Variants in EFL1 observed in about 807,000 individuals in gnomAD.
The protein encoded by EFL1 is elongation factor like GTPase 1, also known as elongation factor-like GTPase 1.
Under a neutral mutation model 126.7 loss-of-function variants are expected in EFL1, and 76 were observed. The ratio of observed to expected loss-of-function variants is 0.60; its 90% confidence interval spans 0.50 to 0.73. EFL1 has a LOEUF of 0.73. EFL1 is among the 30% of genes least tolerant of loss of function. The pLI, the probability that EFL1 is intolerant of heterozygous loss-of-function variation, is 0.00. For synonymous variants in EFL1, 410 were observed against 448.4 expected (o/e 0.91, Z 1.08); for missense variants, 1,128 against 1,343.2 (o/e 0.84, Z 2.50).
intron 15 of EFL1, among the ~76,000 whole-genome samples, chr15:82,171,336 A>C (rs1301500867): frequency 2.0e-5 from 3 of 152,174 alleles, no homozygotes; most frequent in Non-Finnish European, 4.4e-5. Flanking sequence ...GATAAAAATA[A>C]ATAGGCAGTG....
chr15:82,202,614 G>A (rs1471809835), intron 15 of EFL1, among the ~76,000 whole-genome samples: 1 of 152,148 alleles, frequency 6.6e-6, no homozygotes, highest in Non-Finnish European at 1.5e-5. Context: ...GCAGAAGAGA[G>A]GATCAGAGAG....
intron 15 of EFL1, among the ~76,000 whole-genome samples, chr15:82,168,261 C>T (rs545860462): frequency 8.5e-5 from 13 of 152,286 alleles, no homozygotes; most frequent in South Asian, 4.1e-4. Flanking sequence ...GGAATCCACA[C>T]GCTTTATAAC....
At chr15:82,203,853 A>AG (rs2074497396) in intron 15 of EFL1, among the ~76,000 whole-genome samples, 1 of 152,242 alleles carries the variant, frequency 6.6e-6, no homozygotes, top group Non-Finnish European at 1.5e-5. Flanking sequence ...ATGGATATTT[A>AG]GGGTGTGTCC....
chr15:82,172,430 G>C (rs554869609), intron 15 of EFL1, among the ~76,000 whole-genome samples: 36 of 152,200 alleles, frequency 2.4e-4, no homozygotes, highest in Admixed American at 9.2e-4. Flanking sequence ...TGGTGGGAGC[G>C]TTTCTGATTG....
intron 4 of EFL1, among the ~76,000 whole-genome samples, chr15:82,244,694 A>G (rs2074955476): frequency 6.6e-6 from 1 of 152,148 alleles, no homozygotes; most frequent in Non-Finnish European, 1.5e-5. Flanking sequence ...ATAGGGAGTT[A>G]TGGGAAAAGA....
rs370273839 is a variant in EFL1, at chr15:82,132,612, C to T, written c.3175-2051G>A. ...GGTGGGTGACAGCAAGTCTAAGGAG[C>T]GTCTCGAAGTGGGAGCCCAGTTAGA... On this transcript the variant is annotated intron_variant, in intron 19 of 19. Transcript: ENST00000268206. Among the ~76,000 whole-genome samples, 40 of 134,516 alleles carry T rather than the reference C, an allele frequency of 3.0e-4. 3 individuals carry two copies. In the South Asian group the frequency reaches 8.9e-3, roughly 30 times the overall value. The allele number at this position is 134,516 out of a possible 152,430, so 88.2% of individuals were successfully genotyped here.
intron 15 of EFL1, among the ~76,000 whole-genome samples, chr15:82,199,316 A>C (rs1448961773): frequency 4.0e-5 from 6 of 150,680 alleles, no homozygotes; most frequent in Non-Finnish European, 7.4e-5. Flanking sequence ...AGAAGTTGAG[A>C]AAGAGAGAGA....
intron 16 of EFL1, among the ~76,000 whole-genome samples, chr15:82,161,632 A>T (rs1288848104): frequency 1.3e-5 from 2 of 152,250 alleles, no homozygotes; most frequent in African/African-American, 4.8e-5. Context: ...TAAAATTATG[A>T]AGAAAATTAT....
Position 82,152,248 on chromosome 15 carries a change from A to C in EFL1, c.2206T>G (p.Ser736Ala). The C allele has an allele frequency of 3.7e-6, 6 of 1,614,214 alleles. No homozygotes were observed. Among genetic ancestry groups the C allele is most frequent in the Non-Finnish European group, 5.1e-6 (6 of 1,180,036 alleles). Residue 736 changes from serine to alanine, a missense_variant, in exon 18 of 20, where the codon TCT (serine) becomes GCT (alanine). By Grantham distance (99) the Ser-to-Ala change is moderately conservative. Transcript: ENST00000268206. ...GTTGTTATGGTGATTAGCCCGTCAG[A>C]GTCAACTTGGATTCCTTCAGGGATT... ...SKIPEGIQVD[S>A]DGLITITTPN...
At chr15:82,217,288 A>C (rs35983446) in intron 14 of EFL1, among the ~76,000 whole-genome samples, 1 of 148,512 alleles carries the variant, frequency 6.7e-6, no homozygotes, top group East Asian at 2.1e-4. Flanking sequence ...AGGCAACTCC[A>C]CTATAGGTAT....
intron 15 of EFL1, among the ~76,000 whole-genome samples, chr15:82,202,211 C>G (rs367822746): frequency 1.2e-4 from 18 of 152,202 alleles, no homozygotes; most frequent in Admixed American, 7.9e-4. Flanking sequence ...TATTGCTGGA[C>G]GACGTCTTTC....
intron 15 of EFL1, among the ~76,000 whole-genome samples, chr15:82,191,428 G>A (rs1223321096): frequency 6.6e-6 from 1 of 152,092 alleles, no homozygotes; most frequent in Non-Finnish European, 1.5e-5. Context: ...TTGAAATATA[G>A]AAGCTAAAAG....
chr15:82,156,698 T>C (rs1163978483), intron 17 of EFL1, among the ~76,000 whole-genome samples: 1 of 152,228 alleles, frequency 6.6e-6, no homozygotes, highest in Non-Finnish European at 1.5e-5. Context: ...ACAGTGACTG[T>C]TATTTAATAT....
chr15:82,193,963 G>A (rs1275641189), intron 15 of EFL1, among the ~76,000 whole-genome samples: 1 of 152,182 alleles, frequency 6.6e-6, no homozygotes, highest in African/African-American at 2.4e-5. Flanking sequence ...CACAGTGGCT[G>A]AACCAGGCTA....
chr15:82,142,112 A>G (rs2073795447), intron 18 of EFL1, among the ~76,000 whole-genome samples: 1 of 152,190 alleles, frequency 6.6e-6, no homozygotes, highest in African/African-American at 2.4e-5. Context: ...TATCAATAAG[A>G]ATTTCTGATC....
intron 3 of EFL1, among the ~76,000 whole-genome samples, chr15:82,257,640 T>C (rs1254822391): frequency 6.6e-6 from 1 of 152,208 alleles, no homozygotes; most frequent in Admixed American, 6.5e-5. Flanking sequence ...GGTTCCCACA[T>C]ACTCTCTCCT....
chr15:82,142,247 G>C (rs991377639), intron 18 of EFL1, among the ~76,000 whole-genome samples: 1 of 152,182 alleles, frequency 6.6e-6, no homozygotes, highest in Non-Finnish European at 1.5e-5. Context: ...GCTCATCACT[G>C]TAATACTAGC....
chr15:82,150,410 T>C (rs1487898790), intron 18 of EFL1, among the ~76,000 whole-genome samples: 2 of 152,232 alleles, frequency 1.3e-5, no homozygotes, highest in African/African-American at 2.4e-5. Context: ...TCCTCCTTTA[T>C]ATTCTCTTCA....
chr15:82,164,503 T>A (rs2074057354), intron 15 of EFL1, among the ~76,000 whole-genome samples: 1 of 152,116 alleles, frequency 6.6e-6, no homozygotes, highest in Non-Finnish European at 1.5e-5. Context: ...CCCTTCCCCC[T>A]GCCATACACT....
Sources: allele counts gnomAD v4.1 joint callset (sites outside exome capture counted in the v4.1 genomes callset), GRCh38; gene constraint gnomAD v4.1.1; transcripts MANE v1.5; gene names NCBI Gene and HGNC (gene_info 2026-07-23, HGNC 2026-07-21).